HIVEP3: variants seen among roughly 807,000 people sequenced by gnomAD.
The protein encoded by HIVEP3 is HIVEP zinc finger 3, also known as transcription factor HIVEP3.
A neutral mutation model predicts 152.8 loss-of-function variants in HIVEP3; 49 were observed. The observed-to-expected ratio is 0.32, with a 90% confidence interval of 0.26 to 0.41. The LOEUF (loss-of-function observed/expected upper bound fraction) is 0.41. HIVEP3 is among the 10% of genes least tolerant of loss of function. HIVEP3 has a pLI of 1.00. For synonymous variants in HIVEP3, 1,269 were observed against 1,289.0 expected, an observed-to-expected ratio of 0.98 and a Z score of 0.33; for missense variants, 2,790 against 3,103.3, an observed-to-expected ratio of 0.90 and a Z score of 2.40.
intron 1 of HIVEP3, among the ~76,000 whole-genome samples, chr1:41,801,713 C>T (rs532208403): frequency 4.3e-4 from 66 of 151,736 alleles, no homozygotes; most frequent in African/African-American, 1.5e-3. Flanking sequence ...CACTGCACTC[C>T]GGCCTGGGGC....
chr1:41,652,876 G>A (rs1366569466), intron 2 of HIVEP3, among the ~76,000 whole-genome samples: 2 of 152,120 alleles, frequency 1.3e-5, no homozygotes, highest in Admixed American at 1.3e-4. Context: ...GTGGGTTTCT[G>A]GGTTACAAAC....
At chr1:41,729,129 A>C (rs1272694846) in intron 1 of HIVEP3, among the ~76,000 whole-genome samples, 1 of 152,184 alleles carries the variant, frequency 6.6e-6, no homozygotes, top group Non-Finnish European at 1.5e-5. Context: ...CGCCACCCTC[A>C]GGGGTTCCAT....
At chr1:41,985,562 C>T (rs796999194) in intron 1 of HIVEP3, among the ~76,000 whole-genome samples, 2 of 152,258 alleles carry the variant, frequency 1.3e-5, no homozygotes, top group African/African-American at 4.8e-5. Flanking sequence ...ATCATGAGGG[C>T]GGATTAATTA....
chr1:41,676,021 G>A (rs1048911157), intron 2 of HIVEP3, among the ~76,000 whole-genome samples: 2 of 152,166 alleles, frequency 1.3e-5, no homozygotes, highest in African/African-American at 2.4e-5. Flanking sequence ...GCTTCCCCTC[G>A]ACCAGCTCTG....
chr1:41,833,357 T>A (rs1643020662), intron 1 of HIVEP3, among the ~76,000 whole-genome samples: 1 of 152,182 alleles, frequency 6.6e-6, no homozygotes, highest in African/African-American at 2.4e-5. Flanking sequence ...CAAAGCCACA[T>A]GAGGGGGCTG....
intron 1 of HIVEP3, among the ~76,000 whole-genome samples, chr1:41,796,715 A>G (rs191724553): frequency 1.5e-4 from 23 of 152,366 alleles, no homozygotes; most frequent in African/African-American, 5.0e-4. Context: ...GATTTTCTAC[A>G]ATAAACATGT....
intron 1 of HIVEP3, among the ~76,000 whole-genome samples, chr1:41,854,258 G>A (rs77450619): frequency 0.011 from 1,603 of 152,282 alleles, 21 homozygotes; most frequent in African/African-American, 0.036. Context: ...GGGCCACCCA[G>A]CAGGCGCTGG....
chr1:41,510,940 C>CT lies in HIVEP3; in HGVS notation c.6731_6732insA (p.Trp2244Ter), dbSNP rs756869288. The CT allele has an allele frequency of 6.2e-7, 1 of 1,613,582 alleles. No homozygotes were observed. Among genetic ancestry groups the CT allele is most frequent in the South Asian group, 1.1e-5 (1 of 91,082 alleles). ...GAREAQERGR[W>*]SPTESSSASV... Reference sequence around the variant, plus strand: ...AGGCTGACGAGCTCTCAGTGGGACTCCAGCGGCCTCGCTCCTGGGCCTCCC... The same window carrying CT: ...AGGCTGACGAGCTCTCAGTGGGACTCTCAGCGGCCTCGCTCCTGGGCCTCCC... The change falls in exon 9 of 9, where the codon TGG becomes TGAG. Residue 2244 changes from tryptophan (W) to a stop codon, truncating the protein, a stop_gained and frameshift_variant. Coordinates refer to ENST00000372583, the MANE Select transcript of HIVEP3 (RefSeq NM_024503.5). LOFTEE classifies it high-confidence loss of function.
chr1:41,545,269 CCACCATCACTACCACCACCACCAT>C, intron 5 of HIVEP3, among the ~76,000 whole-genome samples: 1 of 143,122 alleles, frequency 7.0e-6, no homozygotes, highest in African/African-American at 2.6e-5. Flanking sequence ...ACCACTACCA[CCACCATCACTACCACCACCACCAT>C]CACCACCTCT....
At chr1:41,525,916 G>A (rs970584922) in intron 5 of HIVEP3, among the ~76,000 whole-genome samples, 5 of 152,116 alleles carry the variant, frequency 3.3e-5, no homozygotes, top group Admixed American at 3.3e-4. Context: ...GACTCCTGAA[G>A]CCTGAGAGGC....
intron 1 of HIVEP3, among the ~76,000 whole-genome samples, chr1:41,825,648 C>T (rs1642781220): frequency 6.6e-6 from 1 of 151,982 alleles, no homozygotes. Context: ...CTCTGTCACC[C>T]AGGTTGGAGT....
At chr1:41,786,131 T>C (rs1649334956) in intron 1 of HIVEP3, among the ~76,000 whole-genome samples, 1 of 152,208 alleles carries the variant, frequency 6.6e-6, no homozygotes, top group Non-Finnish European at 1.5e-5. Context: ...GGATCCTGGC[T>C]CAGCTTACAC....
intron 1 of HIVEP3, among the ~76,000 whole-genome samples, chr1:41,819,090 T>A (rs694236): frequency 6.6e-6 from 1 of 151,972 alleles, no homozygotes; most frequent in South Asian, 2.1e-4. Context: ...TGTAGAATCG[T>A]TGTTAAAATT....
chr1:41,983,635 C>T (rs1485965521), intron 1 of HIVEP3, among the ~76,000 whole-genome samples: 1 of 152,048 alleles, frequency 6.6e-6, no homozygotes, highest in East Asian at 1.9e-4. Flanking sequence ...ACCCCTGAAG[C>T]CACAAGTCAC....
At chr1:41,697,442 T>C (rs1235059305) in intron 2 of HIVEP3, among the ~76,000 whole-genome samples, 1 of 152,224 alleles carries the variant, frequency 6.6e-6, no homozygotes, top group African/African-American at 2.4e-5. Flanking sequence ...CGTGCACGCC[T>C]TTCTTAGCTC....
At chr1:41,828,840 C>T (rs776033311) in intron 1 of HIVEP3, among the ~76,000 whole-genome samples, 25 of 152,246 alleles carry the variant, frequency 1.6e-4, no homozygotes, top group Non-Finnish European at 3.2e-4. Flanking sequence ...CCAGGGCTTG[C>T]ACGTAGTGCA....
chr1:42,023,285 G>A (rs1645564606), intron 1 of HIVEP3, among the ~76,000 whole-genome samples: 1 of 152,236 alleles, frequency 6.6e-6, no homozygotes, highest in Middle Eastern at 3.4e-3. Flanking sequence ...GGGATTACAG[G>A]CATAAGCCAC....
chr1:41,525,468 G>T (rs759431582), intron 5 of HIVEP3, among the ~76,000 whole-genome samples: 2 of 152,176 alleles, frequency 1.3e-5, no homozygotes, highest in Admixed American at 6.5e-5. Context: ...CCAGAATCAG[G>T]CTTTGAACCT....
At chr1:41,596,909 A>G (rs1644673204) in intron 3 of HIVEP3, among the ~76,000 whole-genome samples, 1 of 152,158 alleles carries the variant, frequency 6.6e-6, no homozygotes, top group Non-Finnish European at 1.5e-5. Context: ...CTTGCATCAA[A>G]GTCCTCCCTG....
Sources: allele counts gnomAD v4.1 joint callset (sites outside exome capture counted in the v4.1 genomes callset), GRCh38; gene constraint gnomAD v4.1.1; transcripts MANE v1.5; gene names NCBI Gene and HGNC (gene_info 2026-07-23, HGNC 2026-07-21).